MZT2A: variants seen among roughly 807,000 people sequenced by gnomAD.
MZT2A encodes mitotic spindle organizing protein 2A, also known as mitotic-spindle organizing protein 2A.
Under a neutral mutation model 12.4 loss-of-function variants are expected in MZT2A, and 8 were observed. That is an observed-to-expected ratio of 0.64 (90% CI 0.38 to 1.16). The LOEUF (loss-of-function observed/expected upper bound fraction) is 1.16. MZT2A is among the 50% of genes most tolerant of loss of function. The pLI, the probability that MZT2A is intolerant of heterozygous loss-of-function variation, is 0.01. For synonymous variants in MZT2A, 88 were observed against 107.5 expected, an observed-to-expected ratio of 0.82 and a Z score of 1.12; for missense variants, 181 against 223.6, an observed-to-expected ratio of 0.81 and a Z score of 1.22.
At chr2:131,492,641 T>C (rs918756761), upstream of MZT2A, 2 of 1,233,120 alleles carry the variant, frequency 1.6e-6, no homozygotes, top group Non-Finnish European at 1.0e-6. Flanking sequence ...GCGTCCCTGA[T>C]AGACTTGCAT....
At chr2:131,478,611 G>C in intron 2 of MZT2A, 1 of 725,708 alleles carries the variant, frequency 1.4e-6, no homozygotes, top group East Asian at 2.7e-5. Flanking sequence ...TGCTTTGCCA[G>C]CAGTAAGATG....
At chr2:131,492,719 C>G (rs1388962771), upstream of MZT2A, 1 of 1,277,926 alleles carries the variant, frequency 7.8e-7, no homozygotes, top group Non-Finnish European at 1.0e-6. Flanking sequence ...TCAGTCAATA[C>G]CTGTTTCAAG....
chr2:131,484,228 C>T lies in MZT2A; in HGVS notation c.320-10G>A. On this transcript the variant is annotated splice_polypyrimidine_tract_variant and intron_variant, in intron 2 of 2. Coordinates refer to ENST00000309451, the MANE Select transcript of MZT2A (RefSeq NM_001085365.2). ...CTGCCTTTGTCTCTCCCTAAGGAGACACAAAGCACAATGATTAGGAATGGA... is the reference window on the plus strand; with the variant it reads ...CTGCCTTTGTCTCTCCCTAAGGAGATACAAAGCACAATGATTAGGAATGGA... 1.2e-6 allele frequency: 2 copies of T among 1,612,710 alleles called. No individual in the cohort carries two copies. Among genetic ancestry groups the T allele is most frequent in the Non-Finnish European group, 1.7e-6 (2 of 1,178,960 alleles).
At chr2:131,471,241 A>C (rs1573849637) in intron 3 of MZT2A, among the ~76,000 whole-genome samples, 1 of 140,698 alleles carries the variant, frequency 7.1e-6, no homozygotes, top group East Asian at 1.9e-4. Context: ...CTGCACTCCC[A>C]GACAAGTCAT....
intron 2 of MZT2A, among the ~76,000 whole-genome samples, chr2:131,485,464 C>G (rs930549024): frequency 6.6e-5 from 10 of 152,176 alleles, no homozygotes; most frequent in African/African-American, 2.4e-5. Flanking sequence ...CCCCTCAGTG[C>G]GGTGTGCCTA....
chr2:131,485,082 C>T (rs994840221), intron 2 of MZT2A, among the ~76,000 whole-genome samples: 1 of 152,154 alleles, frequency 6.6e-6, no homozygotes, highest in Non-Finnish European at 1.5e-5. Flanking sequence ...GCAGGCTTGC[C>T]CGTGGGGTCA....
intron 2 of MZT2A, among the ~76,000 whole-genome samples, chr2:131,484,654 T>C (rs1678984565): frequency 6.6e-6 from 1 of 152,234 alleles, no homozygotes; most frequent in Non-Finnish European, 1.5e-5. Context: ...ACTGCACATC[T>C]GAGCTGCCCC....
downstream of MZT2A, among the ~76,000 whole-genome samples, chr2:131,481,306 TC>T (rs1193895404): frequency 6.6e-6 from 1 of 151,898 alleles, no homozygotes; most frequent in Non-Finnish European, 1.5e-5. Flanking sequence ...TCTTGCTTTG[TC>T]CCCCAGGCTG....
intron 2 of MZT2A, chr2:131,490,542 T>G: frequency 6.8e-7 from 1 of 1,477,176 alleles, no homozygotes; most frequent in Non-Finnish European, 9.0e-7. Context: ...CCACACCATG[T>G]CTCTAATAAA....
intron 2 of MZT2A, among the ~76,000 whole-genome samples, chr2:131,474,278 T>C (rs1437398907): frequency 6.6e-6 from 1 of 152,032 alleles, no homozygotes. Flanking sequence ...TTTGTATTTT[T>C]AGTAGAGACG....
chr2:131,474,518 TCCTA>T (rs1678589560), intron 2 of MZT2A, among the ~76,000 whole-genome samples: 1 of 150,470 alleles, frequency 6.6e-6, no homozygotes, highest in African/African-American at 2.4e-5. Flanking sequence ...CAAGTGATTA[TCCTA>T]CCTCAGCCTC....
At chr2:131,490,307 T>C in intron 2 of MZT2A, 1 of 1,006,748 alleles carries the variant, frequency 9.9e-7, no homozygotes, top group Non-Finnish European at 1.2e-6. Flanking sequence ...AAGGTGGGAG[T>C]CTCTGTTTCA....
At chr2:131,476,313 G>C in intron 2 of MZT2A, 1 of 1,580,690 alleles carries the variant, frequency 6.3e-7, no homozygotes, top group Non-Finnish European at 8.6e-7. Context: ...GCCAGAGAAG[G>C]ACGCAGGGTC....
At chr2:131,478,487 GA>G in intron 2 of MZT2A, 1 of 1,368,818 alleles carries the variant, frequency 7.3e-7, no homozygotes. Context: ...GAAAGGATGG[GA>G]TAGACAGGCA....
rs1299461866 is a variant in MZT2A, at chr2:131,478,299, G to A, written c.279-6117C>T. Reference sequence around the variant, plus strand: ...TGATAAAACCATTGGTGGCGGGGACGACTCCTTCAACACGTTCTTCAGTGA... The same window carrying A: ...TGATAAAACCATTGGTGGCGGGGACAACTCCTTCAACACGTTCTTCAGTGA... On this transcript the variant is annotated intron_variant and NMD_transcript_variant, in intron 2 of 4. Transcript: ENST00000427024. 8.1e-6 allele frequency: 13 copies of A among 1,614,016 alleles called. No homozygotes were observed. Among genetic ancestry groups the A allele is most frequent in the Admixed American group, 3.3e-5 (2 of 60,024 alleles).
At chr2:131,487,792 G>A (rs1270784418) in intron 2 of MZT2A, among the ~76,000 whole-genome samples, 2 of 152,088 alleles carry the variant, frequency 1.3e-5, no homozygotes, top group Admixed American at 6.5e-5. Context: ...TTTGAGACAG[G>A]GTCTCACTCT....
intron 2 of MZT2A, chr2:131,490,380 T>G (rs1291827028): frequency 8.9e-7 from 1 of 1,127,858 alleles, no homozygotes; most frequent in African/African-American, 1.6e-5. Context: ...TTGTCACGCC[T>G]GGGGCTGTGC....
chr2:131,480,806 T>C (rs1360621730), downstream of MZT2A: 7 of 1,573,864 alleles, frequency 4.4e-6, no homozygotes, highest in Non-Finnish European at 5.2e-6. Context: ...AAAATAACAC[T>C]GGCCCTGAAG....
intron 2 of MZT2A, among the ~76,000 whole-genome samples, chr2:131,473,295 A>G (rs2105264313): frequency 6.6e-6 from 1 of 152,084 alleles, no homozygotes; most frequent in African/African-American, 2.4e-5. Flanking sequence ...CTGTCTGCAG[A>G]ACTCCGTCCC....
Sources: allele counts gnomAD v4.1 joint callset (sites outside exome capture counted in the v4.1 genomes callset), GRCh38; gene constraint gnomAD v4.1.1; transcripts MANE v1.5; gene names NCBI Gene and HGNC (gene_info 2026-07-23, HGNC 2026-07-21).